MRTFB: variants seen among roughly 807,000 people sequenced by gnomAD.
MRTFB encodes the protein myocardin-related transcription factor B.
Under a neutral mutation model 104.2 loss-of-function variants are expected in MRTFB, and 29 were observed. That is an observed-to-expected ratio of 0.28 (90% CI 0.21 to 0.38). The LOEUF (loss-of-function observed/expected upper bound fraction) is 0.38. Among genes scored for constraint, MRTFB ranks in the 10% least tolerant of loss-of-function variants. The pLI, the probability that MRTFB is intolerant of heterozygous loss-of-function variation, is 1.00. For synonymous variants in MRTFB, 535 were observed against 519.5 expected, an observed-to-expected ratio of 1.03 and a Z score of -0.41; for missense variants, 1,270 against 1,341.6, an observed-to-expected ratio of 0.95 and a Z score of 0.83.
the MRTFB span, among the ~76,000 whole-genome samples, chr16:14,001,725 C>A: frequency 2.0e-5 from 3 of 152,216 alleles, no homozygotes; most frequent in Admixed American, 2.0e-4. Flanking sequence ...CGGGCTCCGA[C>A]AACAACTCTC....
At chr16:14,005,202 C>T in the MRTFB span, among the ~76,000 whole-genome samples, 4 of 152,222 alleles carry the variant, frequency 2.6e-5, no homozygotes, top group African/African-American at 7.2e-5. Context: ...CTTATTTCTA[C>T]ATTTCTTTGT....
At chr16:14,064,177 T>C in the MRTFB span, among the ~76,000 whole-genome samples, 3 of 152,240 alleles carry the variant, frequency 2.0e-5, no homozygotes, top group South Asian at 6.2e-4. Flanking sequence ...TTCTGACTGG[T>C]GTGAGATGGT....
At chr16:14,085,144 T>C (rs2034621700) in intron 2 of MRTFB, among the ~76,000 whole-genome samples, 1 of 152,114 alleles carries the variant, frequency 6.6e-6, no homozygotes, top group Admixed American at 6.6e-5. Flanking sequence ...AAAAGTCACC[T>C]TTTTTCTTCA....
At chr16:14,170,935 TTTTG>T (rs2039401076) in intron 3 of MRTFB, among the ~76,000 whole-genome samples, 2 of 152,342 alleles carry the variant, frequency 1.3e-5, no homozygotes, top group South Asian at 4.1e-4. Flanking sequence ...TAAAAAAAGT[TTTTG>T]TTCTTCCTCC....
Position 14,219,057 on chromosome 16 carries a change from T to C in MRTFB, c.693+59T>C, listed in dbSNP as rs2041564880. 7 of 1,476,216 alleles carry C rather than the reference T, an allele frequency of 4.7e-6. No individual in the cohort carries two copies. The Admixed American group carries it at 1.6e-4, about 34-fold the overall frequency. The allele number at this position is 1,476,216 out of a possible 1,614,324, so 91.4% of individuals were successfully genotyped here. A position where few individuals can be genotyped will look rare whatever the true frequency, so the allele number is the denominator to read the frequency against. ...GAAAATGCCTTGTTTTTTTTTAATA[T>C]ATTAAGGTAATACACTTTGACCAGA... On this transcript the variant is annotated intron_variant, in intron 8 of 16. Coordinates refer to ENST00000571589, the MANE Select transcript of MRTFB (RefSeq NM_001308142.2).
intron 3 of MRTFB, among the ~76,000 whole-genome samples, chr16:14,191,468 CT>C (rs1424808670): frequency 6.6e-6 from 1 of 152,220 alleles, no homozygotes; most frequent in Non-Finnish European, 1.5e-5. Context: ...CTGTACCATT[CT>C]ATGGCATTTC....
chr16:14,023,608 CACATACAT>C, the MRTFB span, among the ~76,000 whole-genome samples: 45 of 70,160 alleles, frequency 6.4e-4, no homozygotes, highest in African/African-American at 2.1e-3. Flanking sequence ...CACACACACA[CACATACAT>C]ATACATATAC....
At chr16:14,239,412 T>C (rs1248298600) in intron 9 of MRTFB, among the ~76,000 whole-genome samples, 1 of 152,256 alleles carries the variant, frequency 6.6e-6, no homozygotes, top group African/African-American at 2.4e-5. Context: ...ATATAGATAA[T>C]GTGATCATAT....
chr16:14,078,526 C>T (rs1268695108), intron 1 of MRTFB, among the ~76,000 whole-genome samples: 1 of 151,844 alleles, frequency 6.6e-6, no homozygotes, highest in Non-Finnish European at 1.5e-5. Flanking sequence ...AACTCCTAGG[C>T]TCAATCAATC....
chr16:14,182,213 G>A (rs2039794339), intron 3 of MRTFB, among the ~76,000 whole-genome samples: 1 of 152,210 alleles, frequency 6.6e-6, no homozygotes, highest in Non-Finnish European at 1.5e-5. Context: ...AAGGCATTGT[G>A]TGGAGCTGAG....
At chr16:14,071,580 A>G (rs930296073) in intron 1 of MRTFB, among the ~76,000 whole-genome samples, 5 of 151,428 alleles carry the variant, frequency 3.3e-5, no homozygotes, top group Admixed American at 2.6e-4. Flanking sequence ...TGCCTCCTTC[A>G]ACCGGTCCTC....
At chr16:14,070,874 T>G (rs1834879293), upstream of MRTFB, among the ~76,000 whole-genome samples, 1 of 152,336 alleles carries the variant, frequency 6.6e-6, no homozygotes, top group South Asian at 2.1e-4. Flanking sequence ...TGTACTTTCC[T>G]TGCCAGGCCT....
rs537519526 is a variant in MRTFB, at chr16:14,204,570, T to C, written c.155-5673T>C. Reference sequence around the variant, plus strand: ...AAAAGTAGAGCAAATTCAAAACACCTCTATTGACATAATATTGTTTTTATC... The same window carrying C: ...AAAAGTAGAGCAAATTCAAAACACCCCTATTGACATAATATTGTTTTTATC... On this transcript the variant is annotated intron_variant, in intron 3 of 16. Transcript: ENST00000571589. Among the ~76,000 whole-genome samples the C allele has an allele frequency of 1.4e-4, 22 of 152,294 alleles. No homozygotes were observed. In the South Asian group the frequency reaches 4.1e-3, roughly 29 times the overall value.
the MRTFB span, among the ~76,000 whole-genome samples, chr16:14,007,628 G>A: frequency 6.6e-6 from 1 of 152,104 alleles, no homozygotes; most frequent in Non-Finnish European, 1.5e-5. Flanking sequence ...CTAAGTTTTT[G>A]AGAAACTGCC....
chr16:14,003,413 C>A, the MRTFB span, among the ~76,000 whole-genome samples: 1 of 152,230 alleles, frequency 6.6e-6, no homozygotes, highest in Non-Finnish European at 1.5e-5. Flanking sequence ...ACCCTCCACC[C>A]CCGCACGCTC....
chr16:14,076,172 T>C (rs1339816876), intron 1 of MRTFB, among the ~76,000 whole-genome samples: 1 of 152,076 alleles, frequency 6.6e-6, no homozygotes, highest in Non-Finnish European at 1.5e-5. Context: ...CATATTAGTA[T>C]ATAGGAAACA....
the MRTFB span, among the ~76,000 whole-genome samples, chr16:14,013,981 G>A: frequency 6.6e-6 from 1 of 152,060 alleles, no homozygotes; most frequent in Non-Finnish European, 1.5e-5. Flanking sequence ...TTTTTTAAAC[G>A]GTACTCAACC....
In MRTFB at chr16:14,218,880, G is replaced by A. The variant is rs1388082318; in HGVS notation, c.575G>A (p.Ser192Asn). Residue 192 changes from serine (S) to asparagine (N), a missense_variant, in exon 8 of 17, where the codon AGT (serine) becomes AAT (asparagine). By Grantham distance (46) the Ser-to-Asn change is conservative. Around this residue, in one of 3 missense-constraint regions of MRTFB, gnomAD observed 1,144 missense variants for 1,131.5 expected, o/e 1.01. Coordinates refer to ENST00000571589, the MANE Select transcript of MRTFB (RefSeq NM_001308142.2). ...GATTTCTCATTTGATGAAGACAGCA[G>A]TGACGCTTTGTCTCCGGACCAGCCT... ...QGDFSFDEDSSDALSPDQPAS... is the reference protein window; with the variant it reads ...QGDFSFDEDSNDALSPDQPAS... The A allele has an allele frequency of 6.2e-7, 1 of 1,614,086 alleles. No homozygotes were observed. The highest frequency in any genetic ancestry group is 2.2e-5 in the East Asian group (1 of 44,878).
the MRTFB span, among the ~76,000 whole-genome samples, chr16:14,043,942 T>A: frequency 6.6e-6 from 1 of 152,206 alleles, no homozygotes; most frequent in Non-Finnish European, 1.5e-5. Flanking sequence ...GAGCACTCAG[T>A]AGTGACTAAA....
Sources: allele counts gnomAD v4.1 joint callset (sites outside exome capture counted in the v4.1 genomes callset), GRCh38; gene constraint gnomAD v4.1.1; regional missense constraint gnomAD v4.1.1; transcripts MANE v1.5; gene names NCBI Gene and HGNC (gene_info 2026-07-23, HGNC 2026-07-21).